MACROD2: variants seen among roughly 807,000 people sequenced by gnomAD.
MACROD2 encodes the protein ADP-ribose glycohydrolase MACROD2.
In MACROD2, 36 loss-of-function variants were observed where a neutral mutation model predicts 70.4. The ratio of observed to expected loss-of-function variants is 0.51; its 90% CI spans 0.39 to 0.68. MACROD2 has a LOEUF of 0.68. Ranked by LOEUF, MACROD2 falls within the 30% of genes least tolerant of loss-of-function variation. The pLI, the probability that MACROD2 is intolerant of heterozygous loss-of-function variation, is 0.00. For missense variants in MACROD2, 496 were observed against 538.4 expected, an observed-to-expected ratio of 0.92 and a Z score of 0.78; for synonymous variants, 172 against 178.8, an observed-to-expected ratio of 0.96 and a Z score of 0.30.
At chr20:14,228,687 T>A (rs2081769513) in intron 3 of MACROD2, among the ~76,000 whole-genome samples, 1 of 152,158 alleles carries the variant, frequency 6.6e-6, no homozygotes, top group Admixed American at 6.5e-5. Context: ...AAATATTTTC[T>A]TAAATAAAAA....
At chr20:15,885,622 A>T (rs1229475715) in intron 9 of MACROD2, 142 bp from the exon 10 acceptor site, 9 of 705,020 alleles carry the variant, frequency 1.3e-5, no homozygotes, top group Admixed American at 4.1e-5. Flanking sequence ...ATAATAAGAC[A>T]ACAGAAATGC....
chr20:15,719,022 C>T lies in MACROD2; in HGVS notation c.646-143723C>T, dbSNP rs186985034. Among the ~76,000 whole-genome samples, 568 of 152,198 alleles carry T rather than the reference C, an allele frequency of 3.7e-3. 4 individuals are homozygous for T. Among genetic ancestry groups the T allele is most frequent in the African/African-American group, 0.013 (549 of 41,544 alleles). ...TAAACAGTTTTCTAATCCTAACTGG[C>T]CTGATTTTTTTTCAATGCAGTCCTT... On this transcript the variant is annotated intron_variant, in intron 8 of 17. Coordinates refer to ENST00000684519, the MANE Select transcript of MACROD2 (RefSeq NM_001351661.2).
intron 5 of MACROD2, among the ~76,000 whole-genome samples, chr20:15,017,479 A>C (rs2075130699): frequency 6.6e-6 from 1 of 152,156 alleles, no homozygotes; most frequent in African/African-American, 2.4e-5. Context: ...TCACAGTGCA[A>C]GCTGTCAGTG....
intron 8 of MACROD2, among the ~76,000 whole-genome samples, chr20:15,799,142 A>C (rs576293076): frequency 3.9e-5 from 6 of 152,296 alleles, no homozygotes; most frequent in South Asian, 2.1e-4. Context: ...AAAAAGATAA[A>C]TATCAATGAA....
At chr20:14,588,168 AT>A (rs1267765300) in intron 4 of MACROD2, among the ~76,000 whole-genome samples, 1 of 152,082 alleles carries the variant, frequency 6.6e-6, no homozygotes, top group Non-Finnish European at 1.5e-5. Flanking sequence ...CTAGGAGTAA[AT>A]CTTTGACCAT....
chr20:15,716,418 C>T (rs2050708525), intron 8 of MACROD2, among the ~76,000 whole-genome samples: 1 of 152,148 alleles, frequency 6.6e-6, no homozygotes, highest in Non-Finnish European at 1.5e-5. Context: ...GTTCCAGACC[C>T]ATTTCTATAT....
At chr20:14,589,951 T>G (rs1442119903) in intron 4 of MACROD2, among the ~76,000 whole-genome samples, 1 of 152,180 alleles carries the variant, frequency 6.6e-6, no homozygotes, top group Non-Finnish European at 1.5e-5. Flanking sequence ...TTGAGCTGCT[T>G]TTGATATGTT....
At chr20:14,412,991 C>T (rs1417010045) in intron 3 of MACROD2, among the ~76,000 whole-genome samples, 2 of 152,152 alleles carry the variant, frequency 1.3e-5, no homozygotes, top group Non-Finnish European at 2.9e-5. Context: ...TCCTCTGGAG[C>T]TCCTAGGAGA....
chr20:15,353,276 G>A (rs1005996045), intron 6 of MACROD2, among the ~76,000 whole-genome samples: 1 of 152,142 alleles, frequency 6.6e-6, no homozygotes, highest in African/African-American at 2.4e-5. Context: ...TTAATAAATG[G>A]TGCTGGCAAA....
intron 3 of MACROD2, among the ~76,000 whole-genome samples, chr20:14,371,806 A>G (rs1388441199): frequency 1.3e-5 from 2 of 151,718 alleles, no homozygotes; most frequent in Non-Finnish European, 2.9e-5. Context: ...CTCTTCCATG[A>G]TTGCTCTTTT....
chr20:14,829,925 A>G (rs898881646), intron 5 of MACROD2, among the ~76,000 whole-genome samples: 3 of 152,146 alleles, frequency 2.0e-5, no homozygotes, highest in African/African-American at 7.2e-5. Flanking sequence ...CAATGCATAC[A>G]TTGATAATTT....
At chr20:15,896,661 A>G (rs1443368696) in intron 10 of MACROD2, among the ~76,000 whole-genome samples, 2 of 152,032 alleles carry the variant, frequency 1.3e-5, no homozygotes, top group Non-Finnish European at 2.9e-5. Flanking sequence ...GTGAAGCATT[A>G]TTACTTTAGT....
chr20:14,635,278 C>T (rs6042827), intron 4 of MACROD2, among the ~76,000 whole-genome samples: 79,994 of 151,982 alleles, frequency 0.53, 22,613 homozygotes, highest in African/African-American at 0.75. Flanking sequence ...TGCTTGACTT[C>T]TTCCCAATGC....
chr20:15,094,186 CTTA>C (rs2075812315), intron 5 of MACROD2, among the ~76,000 whole-genome samples: 2 of 152,170 alleles, frequency 1.3e-5, no homozygotes, highest in South Asian at 4.1e-4. Context: ...TTTGATTCCT[CTTA>C]TTTGCCTTCT....
chr20:14,727,944 C>G (rs1221902816), intron 5 of MACROD2, among the ~76,000 whole-genome samples: 1 of 152,078 alleles, frequency 6.6e-6, no homozygotes, highest in Non-Finnish European at 1.5e-5. Flanking sequence ...CTTGTGCAAT[C>G]CTTTCATAGC....
intron 5 of MACROD2, among the ~76,000 whole-genome samples, chr20:15,040,490 C>A (rs1483024660): frequency 1.3e-5 from 2 of 152,154 alleles, no homozygotes; most frequent in African/African-American, 4.8e-5. Flanking sequence ...TGTAGAAGGA[C>A]TATGTTTCTA....
At chr20:15,978,490 T>C (rs139201825) in intron 13 of MACROD2, among the ~76,000 whole-genome samples, 1 of 152,146 alleles carries the variant, frequency 6.6e-6, no homozygotes, top group Non-Finnish European at 1.5e-5. Flanking sequence ...CTCTCCACCA[T>C]ATAAACCCCT....
rs572737316 is a variant in MACROD2, at chr20:15,031,010, A to T, written c.419-198930A>T. Among the ~76,000 whole-genome samples, 88 of 152,284 alleles carry T rather than the reference A, an allele frequency of 5.8e-4. 1 individual carries two copies. Among genetic ancestry groups the T allele is most frequent in the Admixed American group, 9.8e-4 (15 of 15,304 alleles). The stretch of plus-strand genomic sequence containing the variant: ...TACCAGCCCAGATCCCACACCTGCC[A>T]AGGGTGAGCTAGGCACGGAGCAGTG... On this transcript the variant is annotated intron_variant, in intron 5 of 17. Coordinates refer to ENST00000684519, the MANE Select transcript of MACROD2 (RefSeq NM_001351661.2).
At chr20:15,927,708 C>A (rs1332149058) in intron 10 of MACROD2, among the ~76,000 whole-genome samples, 1 of 152,136 alleles carries the variant, frequency 6.6e-6, no homozygotes, top group Non-Finnish European at 1.5e-5. Context: ...TGAGGCTCTT[C>A]ATTAAAACAA....
Sources: allele counts gnomAD v4.1 joint callset (sites outside exome capture counted in the v4.1 genomes callset), GRCh38; gene constraint gnomAD v4.1.1; transcripts MANE v1.5; gene names NCBI Gene and HGNC (gene_info 2026-07-23, HGNC 2026-07-21).